ZBBX: variants seen among roughly 807,000 people sequenced by gnomAD.
ZBBX encodes the protein zinc finger B-box domain-containing protein 1.
A neutral mutation model predicts 108.5 loss-of-function variants in ZBBX; 101 were observed. The observed-to-expected ratio is 0.93, with a 90% CI of 0.79 to 1.10. The LOEUF (loss-of-function observed/expected upper bound fraction) is 1.10, where lower values mean the gene tolerates loss of function less well. Among genes scored for constraint, ZBBX ranks in the 50% least tolerant of loss-of-function variants. ZBBX has a pLI of 0.00. For synonymous variants in ZBBX, 356 were observed against 323.4 expected, an observed-to-expected ratio of 1.10 and a Z score of -1.08; for missense variants, 1,009 against 941.4, an observed-to-expected ratio of 1.07 and a Z score of -0.94.
At chr3:167,202,813 C>T in the ZBBX span, among the ~76,000 whole-genome samples, 1 of 152,074 alleles carries the variant, frequency 6.6e-6, no homozygotes, top group Non-Finnish European at 1.5e-5. Flanking sequence ...CATAATCACA[C>T]CCCCAGATTA....
At chr3:167,196,853 CT>C in the ZBBX span, among the ~76,000 whole-genome samples, 2 of 152,196 alleles carry the variant, frequency 1.3e-5, no homozygotes, top group South Asian at 4.1e-4. Flanking sequence ...TATCCTTTTC[CT>C]ATGCTAACAC....
chr3:167,358,371 G>A (rs1023699043), intron 8 of ZBBX, among the ~76,000 whole-genome samples: 2 of 151,856 alleles, frequency 1.3e-5, no homozygotes, highest in Non-Finnish European at 2.9e-5. Flanking sequence ...CTAGGGGATG[G>A]GGGGAATGGG....
the ZBBX span, among the ~76,000 whole-genome samples, chr3:167,211,298 C>T: frequency 4.6e-5 from 7 of 152,166 alleles, no homozygotes; most frequent in African/African-American, 1.7e-4. Context: ...CTTTATTCAG[C>T]TTGACAGACA....
At chr3:167,313,083 G>A (rs1041658517) in intron 16 of ZBBX, among the ~76,000 whole-genome samples, 2 of 152,056 alleles carry the variant, frequency 1.3e-5, no homozygotes, top group Non-Finnish European at 2.9e-5. Context: ...AGATGTTCAA[G>A]GTCAGACAGT....
At chr3:167,397,652 C>T in intron 1 of ZBBX, among the ~76,000 whole-genome samples, 1 of 151,574 alleles carries the variant, frequency 6.6e-6, no homozygotes, top group African/African-American at 2.4e-5. Flanking sequence ...GAGAGAAAGG[C>T]AGGAGAGAGC....
chr3:167,366,054 T>A, intron 5 of ZBBX, 78 bp from the exon 6 acceptor site: 1 of 1,119,192 alleles, frequency 8.9e-7, no homozygotes, highest in South Asian at 1.8e-5. Flanking sequence ...ACAGTGTTCC[T>A]GTTTCAGAAA....
intron 12 of ZBBX, among the ~76,000 whole-genome samples, chr3:167,320,475 A>G (rs1410550861): frequency 6.6e-6 from 1 of 152,060 alleles, no homozygotes; most frequent in Non-Finnish European, 1.5e-5. Context: ...TAAATTTAGA[A>G]GGAACAAAGG....
rs1365180280 is a variant in ZBBX, at chr3:167,314,126, G to A, written c.1275-10C>T. 2 of 1,569,244 alleles carry A rather than the reference G, an allele frequency of 1.3e-6. No homozygotes were observed. The highest frequency in any genetic ancestry group is 2.0e-5 in the Admixed American group (1 of 50,590). On this transcript the variant is annotated splice_polypyrimidine_tract_variant and intron_variant, in intron 15 of 21. Transcript: ENST00000675490. Reference sequence around the variant, plus strand: ...ATCATGAAAAGCACAACTTTCACATGTAGGAACAAACAAAATAATAGAGTT... The same window carrying A: ...ATCATGAAAAGCACAACTTTCACATATAGGAACAAACAAAATAATAGAGTT...
chr3:167,334,624 ACTTGCC>A (rs1739251439), intron 9 of ZBBX, among the ~76,000 whole-genome samples: 1 of 152,012 alleles, frequency 6.6e-6, no homozygotes, highest in African/African-American at 2.4e-5. Flanking sequence ...AGTTTAAACA[ACTTGCC>A]CTTGGTCACA....
At chr3:167,367,415 C>T (rs937714609) in intron 5 of ZBBX, among the ~76,000 whole-genome samples, 2 of 151,666 alleles carry the variant, frequency 1.3e-5, no homozygotes, top group South Asian at 4.1e-4. Flanking sequence ...TAATAAAGAT[C>T]TGAAAAATAA....
At chr3:167,191,934 T>TATATATATATATATAGAGAG in the ZBBX span, among the ~76,000 whole-genome samples, 1 of 130,224 alleles carries the variant, frequency 7.7e-6, no homozygotes, top group African/African-American at 3.0e-5. Flanking sequence ...TATATATATA[T>TATATATATATATATAGAGAG]AGAGCAAGTT....
At chr3:167,386,956 G>T (rs1308032033) in intron 1 of ZBBX, among the ~76,000 whole-genome samples, 6 of 151,970 alleles carry the variant, frequency 3.9e-5, no homozygotes, top group Non-Finnish European at 7.4e-5. Context: ...CCCAAGGGCA[G>T]ATTTTTCATT....
chr3:167,275,644 G>A (rs1015333153), intron 20 of ZBBX, among the ~76,000 whole-genome samples: 53 of 152,292 alleles, frequency 3.5e-4, no homozygotes, highest in Admixed American at 2.7e-3. Flanking sequence ...ACAGAATCTC[G>A]CTGATTGCTA....
the ZBBX span, among the ~76,000 whole-genome samples, chr3:167,219,398 A>G: frequency 6.6e-6 from 1 of 152,066 alleles, no homozygotes; most frequent in Non-Finnish European, 1.5e-5. Context: ...AGTCTTTAAA[A>G]GTTCAAAAAA....
At chr3:167,287,255 C>T (rs1310320151) in intron 19 of ZBBX, among the ~76,000 whole-genome samples, 1 of 152,102 alleles carries the variant, frequency 6.6e-6, no homozygotes, top group African/African-American at 2.4e-5. Context: ...TATTCACACA[C>T]ACATTTTATA....
chr3:167,198,173 G>A, the ZBBX span, among the ~76,000 whole-genome samples: 111 of 151,710 alleles, frequency 7.3e-4, no homozygotes, highest in African/African-American at 2.7e-3. Context: ...CAAGCATCTC[G>A]GTTACTTGAA....
At chr3:167,257,058 CA>C (rs1723651991) in intron 20 of ZBBX, among the ~76,000 whole-genome samples, 1 of 152,156 alleles carries the variant, frequency 6.6e-6, no homozygotes, top group Non-Finnish European at 1.5e-5. Context: ...AACTGTTCTC[CA>C]TAGTGTTTGA....
intron 9 of ZBBX, among the ~76,000 whole-genome samples, chr3:167,345,024 A>G (rs1263535946): frequency 1.3e-5 from 2 of 151,928 alleles, no homozygotes; most frequent in Admixed American, 6.6e-5. Flanking sequence ...TTAACATACC[A>G]TAAATCCTTT....
chr3:167,355,104 A>C (rs1054083237), intron 8 of ZBBX, among the ~76,000 whole-genome samples: 2 of 152,046 alleles, frequency 1.3e-5, no homozygotes, highest in East Asian at 3.8e-4. Flanking sequence ...GATGAATGCC[A>C]GATCAGTTGT....
Sources: gnomAD v4.1 joint callset for allele counts (sites outside exome capture counted in the v4.1 genomes callset) on GRCh38, gnomAD v4.1.1 for gene constraint, MANE v1.5 for transcripts, NCBI Gene and HGNC (gene_info 2026-07-23, HGNC 2026-07-21) for gene names.